Variants in INTS1 observed in about 807,000 individuals in gnomAD.
INTS1 encodes integrator complex subunit 1.
A neutral mutation model predicts 241.6 loss-of-function variants in INTS1; 137 were observed. The ratio of observed to expected loss-of-function variants is 0.57; its 90% confidence interval spans 0.49 to 0.65. The LOEUF (loss-of-function observed/expected upper bound fraction) is 0.65, where lower values mean the gene tolerates loss of function less well. Ranked by LOEUF, INTS1 falls within the 30% of genes least tolerant of loss-of-function variation. The probability of loss-of-function intolerance (pLI) is 0.00; values close to 1 mark genes in which losing one functional copy is unlikely to be tolerated. For missense variants in INTS1, 3,073 were observed against 3,032.2 expected (o/e 1.01, Z -0.32); for synonymous variants, 1,692 against 1,337.8 (o/e 1.26, Z -5.78).
chr7:1,495,122 T>C (rs1786632951), intron 13 of INTS1, among the ~76,000 whole-genome samples: 1 of 93,250 alleles, frequency 1.1e-5, no homozygotes, highest in South Asian at 3.4e-4. Flanking sequence ...GACAGCCCTT[T>C]ACAAAATCGC....
chr7:1,479,426 G>A lies in INTS1; in HGVS notation c.4329+4C>T, dbSNP rs1781885826. 1.3e-6 allele frequency: 2 copies of A among 1,573,058 alleles called. No homozygotes were observed. The highest frequency in any genetic ancestry group is 1.3e-5 in the African/African-American group (1 of 74,106). ...TCCCCCGCAAGAGGCCCACGCCCAA[G>A]TACCTGGTACTGGCAGAGCTGGCGC... On this transcript the variant is annotated splice_donor_region_variant and intron_variant, in intron 31 of 47. Transcript: ENST00000404767.
rs746857576 is a variant in INTS1 at position 1,478,495 on chromosome 7, G to GCCC, written c.4498_4500dup (p.Gly1500dup). On this transcript the variant is annotated inframe_insertion, in exon 33 of 48. Coordinates refer to ENST00000404767, the MANE Select transcript of INTS1 (RefSeq NM_001080453.3). ...GCCAGGGCCTCGGCCAGGCGCAGGA[G>GCCC]CCCCCCTCGCACTGTGGGAGGTCTG... The GCCC allele has an allele frequency of 1.2e-6, 2 of 1,610,780 alleles. No individual in the cohort carries two copies. The highest frequency in any genetic ancestry group is 4.5e-5 in the East Asian group (2 of 44,848).
chr7:1,474,267 G>T lies in INTS1; in HGVS notation c.5730C>A (p.His1910Gln). The change falls in exon 41 of 48, where the codon CAC becomes CAA. Residue 1910 changes from histidine (H) to glutamine (Q), a missense_variant. Coordinates refer to ENST00000404767, the MANE Select transcript of INTS1 (RefSeq NM_001080453.3). The part of the protein sequence containing the change: ...RQQNHLSCFL[H>Q]VLGLLELLQP... ...GCAGCAGCTCCAGCAGGCCCAGCACGTGCAGGAAGCAGCTCAGGTGGTTCT... is the reference window on the plus strand; with the variant it reads ...GCAGCAGCTCCAGCAGGCCCAGCACTTGCAGGAAGCAGCTCAGGTGGTTCT... The T allele has an allele frequency of 1.2e-6, 2 of 1,608,216 alleles. No homozygotes were observed. The highest frequency in any genetic ancestry group is 1.7e-6 in the Non-Finnish European group (2 of 1,178,986).
chr7:1,483,896 C>T (rs1260943557), intron 25 of INTS1, 43 bp from the exon 26 acceptor site: 2 of 1,592,332 alleles, frequency 1.3e-6, no homozygotes, highest in Non-Finnish European at 1.7e-6. Flanking sequence ...GTTCAGGGAC[C>T]CTGAGCCAGC....
chr7:1,499,668 C>T (rs1486118960), intron 5 of INTS1, 36 bp from the exon 6 acceptor site: 1 of 1,564,840 alleles, frequency 6.4e-7, no homozygotes, highest in Non-Finnish European at 8.7e-7. Flanking sequence ...CCGAGCCCAG[C>T]CGGGCAGCAG....
At chr7:1,471,077 C>T in intron 46 of INTS1, 56 bp downstream of exon 46, 1 of 1,531,396 alleles carries the variant, frequency 6.5e-7, no homozygotes, top group South Asian at 1.2e-5. Flanking sequence ...CAAGCGGTGA[C>T]CTGGGTTAGC....
rs1370855725 is a variant in INTS1, at chr7:1,498,486, A to C, written c.1351T>G (p.Ser451Ala). ...TIKLVIFNEL[S>A]SARNPNNMQV... ...ATGTTGTTCGGGTTCCGGGCGCTGG[A>C]GAGCTCATTGAAGATCACCAACTTG... Residue 451 changes from serine to alanine, a missense_variant, in exon 10 of 48, where the codon TCC becomes GCC. Physicochemically the swap from Ser to Ala is moderately conservative, Grantham distance 99. Transcript: ENST00000404767. The C allele has an allele frequency of 6.2e-7, 1 of 1,613,936 alleles. No individual in the cohort carries two copies. Among genetic ancestry groups the C allele is most frequent in the South Asian group, 1.1e-5 (1 of 91,080 alleles).
rs561921299 is a variant in INTS1, at chr7:1,479,897, C to G, written c.4075-213G>C. On this transcript the variant is annotated intron_variant, in intron 30 of 47. Transcript: ENST00000404767. ...GGACCCCAACACCCAGGAGCTGCCC[C>G]AGAGAACAAAGGTGTCCAGAGCCTG... Among the ~76,000 whole-genome samples, 709 of 152,334 alleles carry G rather than the reference C, an allele frequency of 4.7e-3. 1 individual carries two copies. Among genetic ancestry groups the G allele is most frequent in the Non-Finnish European group, 8.4e-3 (569 of 68,024 alleles).
chr7:1,474,563 C>G, intron 40 of INTS1, 142 bp downstream of exon 40: 1 of 1,286,048 alleles, frequency 7.8e-7, no homozygotes, highest in Non-Finnish European at 1.0e-6. Flanking sequence ...TCAGTCCTGA[C>G]TTCCCCCGGT....
rs1309574691 is a variant in INTS1 at position 1,478,356 on chromosome 7, AG to A, written c.4630+9del. On this transcript the variant is annotated intron_variant, in intron 33 of 47. Coordinates refer to ENST00000404767, the MANE Select transcript of INTS1 (RefSeq NM_001080453.3). Reference sequence around the variant, plus strand: ...CGCCGTGGCCCAAGAGGATGGTGCCAGGAAGGTACCTTTGCTGATCAGGTCC... The same window carrying A: ...CGCCGTGGCCCAAGAGGATGGTGCCAGAAGGTACCTTTGCTGATCAGGTCC... 1 of 1,611,212 alleles carries A rather than the reference AG, an allele frequency of 6.2e-7. No individual in the cohort carries two copies. Among genetic ancestry groups the A allele is most frequent in the Admixed American group, 1.7e-5 (1 of 59,956 alleles).
At chr7:1,473,033 C>A (rs750018479) in intron 43 of INTS1, 39 bp downstream of exon 43, 6 of 1,414,676 alleles carry the variant, frequency 4.2e-6, no homozygotes, top group Non-Finnish European at 5.9e-6. Flanking sequence ...TAGGACTGTT[C>A]CGCAGCTGCT....
chr7:1,484,190 G>T lies in INTS1; in HGVS notation c.3262-20C>A. The T allele has an allele frequency of 6.3e-7, 1 of 1,595,288 alleles. No homozygotes were observed. On this transcript the variant is annotated intron_variant, in intron 24 of 47. Coordinates refer to ENST00000404767, the MANE Select transcript of INTS1 (RefSeq NM_001080453.3). ...CACGTCCTGGTGTGTGGACAGGGGG[G>T]CGTCAGAGGCTCCGAGACAGCTCTG...
intron 33 of INTS1, 74 bp downstream of exon 33, chr7:1,478,292 G>A: frequency 1.3e-6 from 2 of 1,518,314 alleles, no homozygotes; most frequent in Admixed American, 1.7e-5. Context: ...CCCCCACTGG[G>A]CAGCTAGAAG....
At chr7:1,503,868 G>GTCCCCC in intron 2 of INTS1, 35 bp downstream of exon 2, 1 of 1,509,078 alleles carries the variant, frequency 6.6e-7, no homozygotes, top group Non-Finnish European at 9.0e-7. Context: ...GACCCCCAAA[G>GTCCCCC]ACCCCCGGGC....
At chr7:1,495,605 G>C (rs965162000) in intron 12 of INTS1, 52 bp from the exon 13 acceptor site, 3 of 1,573,072 alleles carry the variant, frequency 1.9e-6, no homozygotes, top group African/African-American at 1.4e-5. Flanking sequence ...GCCATGAGGG[G>C]CTAAGGCACC....
chr7:1,485,206 GA>G lies in INTS1; in HGVS notation c.3157-5del, dbSNP rs1198560436. The G allele has an allele frequency of 6.2e-7, 1 of 1,600,134 alleles. No homozygotes were observed. Among genetic ancestry groups the G allele is most frequent in the East Asian group, 2.2e-5 (1 of 44,858 alleles). ...GATCAGTCTCCATGTGGATTGCCTGGAGGGGAGGGTGGTCTGAGCGGCAACA... is the reference window on the plus strand; with the variant it reads ...GATCAGTCTCCATGTGGATTGCCTGGGGGGAGGGTGGTCTGAGCGGCAACA... On this transcript the variant is annotated splice_region_variant and splice_polypyrimidine_tract_variant and intron_variant, in intron 23 of 47. Coordinates refer to ENST00000404767, the MANE Select transcript of INTS1 (RefSeq NM_001080453.3).
Position 1,479,561 on chromosome 7 carries a change from C to G in INTS1, c.4198G>C (p.Gly1400Arg), listed in dbSNP as rs1395924663. 1.3e-6 allele frequency: 2 copies of G among 1,551,388 alleles called. No homozygotes were observed. The highest frequency in any genetic ancestry group is 1.4e-5 in the African/African-American group (1 of 73,230). Residue 1400 changes from glycine to arginine, a missense_variant, in exon 31 of 48, where the codon GGC becomes CGC. By Grantham distance (125) the Gly-to-Arg change is moderately radical. Transcript: ENST00000404767. ...GCCTGCAGGACACGCACCGTGATGC[C>G]CGGCACCTCGGGGCTGCCCTGGACG... is the stretch of plus-strand genomic sequence containing the variant. The part of the protein sequence containing the change: ...RVVQGSPEVP[G>R]ITVRVLQALA...
rs1435514241 is a variant in INTS1 at position 1,495,629 on chromosome 7, C to T, written c.1712-76G>A. On this transcript the variant is annotated intron_variant, in intron 12 of 47. Transcript: ENST00000404767. ...GGCTAAGGCACCCCTGGGGGTCCAACTCAATGCTGGCACTTGGGAGGGGGT... is the reference window on the plus strand; with the variant it reads ...GGCTAAGGCACCCCTGGGGGTCCAATTCAATGCTGGCACTTGGGAGGGGGT... 6 of 1,530,860 alleles carry T rather than the reference C, an allele frequency of 3.9e-6. No homozygotes were observed. The Admixed American group carries it at 6.2e-5, about 16-fold the overall frequency. 94.8% of individuals were successfully genotyped at this position (1,530,860 alleles called of 1,614,324 possible).
Position 1,470,856 on chromosome 7 carries a change from G to T in INTS1, c.6447C>A (p.Leu2149=). The part of the protein sequence containing the change: ...TALRNLPEYA[L]LCQEHAAVLL... ...GGGGCCAGTCCTCACCTTGGCACAG[G>T]AGAGCGTACTCAGGCAGGTTCCGGA... Residue 2149 remains leucine (L), a synonymous_variant, in exon 47 of 48, where the codon CTC becomes CTA. Transcript: ENST00000404767. 1 of 1,590,072 alleles carries T rather than the reference G, an allele frequency of 6.3e-7. No homozygotes were observed. The highest frequency in any genetic ancestry group is 1.7e-4 in the Middle Eastern group (1 of 6,042).
Sources: gnomAD v4.1 joint callset for allele counts (sites outside exome capture counted in the v4.1 genomes callset) on GRCh38, gnomAD v4.1.1 for gene constraint, MANE v1.5 for transcripts, NCBI Gene and HGNC (gene_info 2026-07-23, HGNC 2026-07-21) for gene names.